Variants in ATP2C2 observed in about 807,000 individuals in gnomAD.
ATP2C2 encodes calcium-transporting ATPase type 2C member 2.
ATP2C2 carries 171 observed loss-of-function variants against 110.8 expected under a neutral mutation model. That is an observed-to-expected ratio of 1.54 (90% confidence interval 1.36 to 1.75). ATP2C2 has a LOEUF of 1.75. ATP2C2 is among the 40% of genes most tolerant of loss of function. The pLI is 0.00. For missense variants in ATP2C2, 1,963 were observed against 1,235.0 expected (o/e 1.59, Z -8.84); for synonymous variants, 804 against 508.4 (o/e 1.58, Z -7.82).
Position 84,449,852 on chromosome 16 carries a change from C to T in ATP2C2, c.1660+1163C>T, listed in dbSNP as rs374301908. Among the ~76,000 whole-genome samples, 22 of 152,312 alleles carry T rather than the reference C, an allele frequency of 1.4e-4. No homozygotes were observed. The East Asian group carries it at 2.5e-3, about 17-fold the overall frequency. On this transcript the variant is annotated intron_variant, in intron 17 of 26. Transcript: ENST00000262429. ...GAAATGGCTCACTTAAGAGTGGACA[C>T]GTTAGTAAGTAAACATCCCACGTGG...
intron 6 of ATP2C2, among the ~76,000 whole-genome samples, chr16:84,413,665 C>T (rs1188532615): frequency 6.6e-6 from 1 of 152,132 alleles, no homozygotes; most frequent in East Asian, 1.9e-4. Context: ...TTCTAAAAGA[C>T]GGTTTTATGT....
At chr16:84,408,221 G>A (rs1188901281) in intron 3 of ATP2C2, among the ~76,000 whole-genome samples, 184 bp from the exon 4 acceptor site, 1 of 152,200 alleles carries the variant, frequency 6.6e-6, no homozygotes. Flanking sequence ...TCAATTGGGT[G>A]GAGTTCCAGG....
chr16:84,398,366 A>G (rs145901861), intron 1 of ATP2C2, 133 bp from the exon 2 acceptor site: 2 of 438,650 alleles, frequency 4.6e-6, no homozygotes, highest in East Asian at 4.1e-5. Flanking sequence ...AGATCATGAC[A>G]CTGCACTCCA....
chr16:84,433,443 A>G (rs748064077), intron 11 of ATP2C2, among the ~76,000 whole-genome samples: 5 of 152,134 alleles, frequency 3.3e-5, no homozygotes, highest in Non-Finnish European at 7.3e-5. Flanking sequence ...TCATGAGTTC[A>G]GGAGTTTGAG....
At position 84,415,508 on chromosome 16, in the gene ATP2C2, C is replaced by A. The variant is rs781690343; in HGVS notation, c.541C>A (p.Leu181Met). The A allele has an allele frequency of 1.2e-6, 2 of 1,614,176 alleles. No homozygotes were observed. Among genetic ancestry groups the A allele is most frequent in the East Asian group, 4.5e-5 (2 of 44,880 alleles). The change falls in exon 7 of 27, where the codon CTG (leucine) becomes ATG (methionine). Residue 181 changes from leucine to methionine, a missense_variant. Coordinates refer to ENST00000262429, the MANE Select transcript of ATP2C2 (RefSeq NM_014861.4). ...NCLREGKLQH[L>M]LARELVPGDV... Reference sequence around the variant, plus strand: ...CCTAAGAGAAGGAAAACTCCAGCACCTGCTTGCTCGAGAACTGGTTCCTGG... The same window carrying A: ...CCTAAGAGAAGGAAAACTCCAGCACATGCTTGCTCGAGAACTGGTTCCTGG...
At chr16:84,429,608 T>G (rs1211369442) in intron 11 of ATP2C2, among the ~76,000 whole-genome samples, 1 of 152,182 alleles carries the variant, frequency 6.6e-6, no homozygotes, top group African/African-American at 2.4e-5. Context: ...GGTTCCCACC[T>G]TCAAAGATTG....
At chr16:84,396,586 C>G (rs1045957799) in intron 1 of ATP2C2, among the ~76,000 whole-genome samples, 1 of 145,442 alleles carries the variant, frequency 6.9e-6, no homozygotes, top group Non-Finnish European at 1.5e-5. Context: ...AAAGTGAATT[C>G]GGTGTAGTGA....
At chr16:84,369,448 A>G (rs569123279) in intron 1 of ATP2C2, among the ~76,000 whole-genome samples, 1 of 151,614 alleles carries the variant, frequency 6.6e-6, no homozygotes, top group Non-Finnish European at 1.5e-5. Flanking sequence ...CTTTAAGGTC[A>G]GGGGGGCACT....
rs562741079 is a variant in ATP2C2, at chr16:84,453,199, C to A, written c.1893C>A (p.Ser631Arg). The change falls in exon 19 of 27, where the codon AGC becomes AGA. Residue 631 changes from serine (S) to arginine (R), a missense_variant. By Grantham distance (110) the Ser-to-Arg change is moderately radical. Coordinates refer to ENST00000262429, the MANE Select transcript of ATP2C2 (RefSeq NM_014861.4). The stretch of plus-strand genomic sequence containing the variant: ...CCATGTCCGGGGAGGAGGTGGACAG[C>A]GTGGAGAAGGGCGAGCTGGCCGACC... ...LQAMSGEEVD[S>R]VEKGELADRV... 11 of 1,613,752 alleles carry A rather than the reference C, an allele frequency of 6.8e-6. 2 individuals carry two copies. The highest frequency in any genetic ancestry group is 1.6e-4 in the Middle Eastern group (1 of 6,062).
chr16:84,453,559 G>A (rs558820505), intron 20 of ATP2C2, among the ~76,000 whole-genome samples, 188 bp downstream of exon 20: 1 of 152,272 alleles, frequency 6.6e-6, no homozygotes, highest in East Asian at 1.9e-4. Flanking sequence ...GTTGAGCAGG[G>A]GCGCGTGGGC....
intron 16 of ATP2C2, 88 bp from the exon 17 acceptor site, chr16:84,448,445 C>T (rs1909958334): frequency 6.9e-7 from 1 of 1,458,594 alleles, no homozygotes; most frequent in Admixed American, 2.1e-5. Context: ...CCGTGTGTGT[C>T]TTTGTAACCT....
chr16:84,393,614 T>C (rs1904793028), intron 1 of ATP2C2, among the ~76,000 whole-genome samples: 1 of 151,896 alleles, frequency 6.6e-6, no homozygotes, highest in Non-Finnish European at 1.5e-5. Flanking sequence ...GCAGGTGTAT[T>C]TCCAATGCAA....
At chr16:84,415,373 G>A (rs557641140) in intron 6 of ATP2C2, 110 bp from the exon 7 acceptor site, 5 of 876,954 alleles carry the variant, frequency 5.7e-6, no homozygotes, top group South Asian at 1.4e-5. Flanking sequence ...CAGGGTTGGT[G>A]TATATTAAAA....
rs1384754113 is a variant in ATP2C2, at chr16:84,440,803, G to A, written c.1210-54G>A. On this transcript the variant is annotated intron_variant, in intron 13 of 26. Transcript: ENST00000262429. ...CAGGACAGAGATTGTGGGCCAACTG[G>A]GGGAGCATGTTTTTGACTCTTGGCG... The A allele has an allele frequency of 1.1e-5, 16 of 1,401,166 alleles. No individual in the cohort carries two copies. The South Asian group carries it at 1.7e-4, about 15-fold the overall frequency. 86.8% of individuals were successfully genotyped at this position (1,401,166 alleles called of 1,614,324 possible).
intron 23 of ATP2C2, 156 bp downstream of exon 23, chr16:84,459,542 G>A (rs927100146): frequency 1.3e-6 from 2 of 1,540,458 alleles, no homozygotes; most frequent in Admixed American, 3.9e-5. Context: ...GCACTGCAGT[G>A]AGACTGGGAG....
intron 18 of ATP2C2, among the ~76,000 whole-genome samples, chr16:84,452,752 G>T (rs1421808499): frequency 6.6e-6 from 1 of 152,086 alleles, no homozygotes; most frequent in Admixed American, 6.6e-5. Context: ...GCCCACCTCG[G>T]CCTCACAAAG....
At chr16:84,414,888 G>T (rs954737388) in intron 6 of ATP2C2, among the ~76,000 whole-genome samples, 77 of 152,228 alleles carry the variant, frequency 5.1e-4, no homozygotes, top group African/African-American at 1.7e-3. Context: ...TCTGGTTTGG[G>T]GTTCTAAGAG....
chr16:84,412,463 T>C (rs1052983652), intron 6 of ATP2C2, among the ~76,000 whole-genome samples: 188 of 148,890 alleles, frequency 1.3e-3, no homozygotes, highest in African/African-American at 4.1e-3. Context: ...TGTGTCTCCG[T>C]GTGTGTGTCT....
At chr16:84,395,568 C>T (rs117415696) in intron 1 of ATP2C2, among the ~76,000 whole-genome samples, 5,913 of 150,116 alleles carry the variant, frequency 0.039, 180 homozygotes, top group Admixed American at 0.06. Context: ...AAGCAATTCT[C>T]CCTGACTCTG....
Sources: allele counts gnomAD v4.1 joint callset (sites outside exome capture counted in the v4.1 genomes callset), GRCh38; gene constraint gnomAD v4.1.1; transcripts MANE v1.5; gene names NCBI Gene and HGNC (gene_info 2026-07-23, HGNC 2026-07-21).